The following ARHGAP23 variants were observed in gnomAD, a reference collection of about 807,000 sequenced individuals.
ARHGAP23 encodes the protein Rho GTPase activating protein 23.
Under a neutral mutation model 136.3 loss-of-function variants are expected in ARHGAP23, and 34 were observed. That is an observed-to-expected ratio of 0.25 (90% CI 0.19 to 0.33). ARHGAP23 has a LOEUF of 0.33. Ranked by LOEUF, ARHGAP23 falls within the 10% of genes least tolerant of loss-of-function variation. The pLI, the probability that ARHGAP23 is intolerant of heterozygous loss-of-function variation, is 1.00. For synonymous variants in ARHGAP23, 832 were observed against 920.5 expected, an observed-to-expected ratio of 0.90 and a Z score of 1.74; for missense variants, 1,808 against 2,139.0, an observed-to-expected ratio of 0.85 and a Z score of 3.05.
chr17:38,481,855 C>G (rs1597820576), intron 14 of ARHGAP23, among the ~76,000 whole-genome samples, 167 bp from the exon 15 acceptor site: 4 of 152,272 alleles, frequency 2.6e-5, no homozygotes, highest in Non-Finnish European at 1.5e-5. Flanking sequence ...GGTAAGCATC[C>G]TCCCCTTCAG....
rs1464045359 is a variant in ARHGAP23, at chr17:38,467,072, C to T, written c.1389C>T (p.Ser463=). 17 of 1,550,856 alleles carry T rather than the reference C, an allele frequency of 1.1e-5. No individual in the cohort carries two copies. Among genetic ancestry groups the T allele is most frequent in the Admixed American group, 2.0e-5 (1 of 50,992 alleles). Residue 463 remains serine (S), a synonymous_variant, in exon 7 of 24, where the codon TCC becomes TCT. Transcript: ENST00000622683. ...CTGCGTCATTCCCACCAGAGGCCTC[C>T]GAGCCACCCAGGGTTGTACGGCCGG... The part of the protein sequence containing the change: ...QSPASFPPEA[S]EPPRVVRPEP...
At chr17:38,457,094 G>A (rs1311656697) in intron 1 of ARHGAP23, among the ~76,000 whole-genome samples, 1 of 152,202 alleles carries the variant, frequency 6.6e-6, no homozygotes, top group Non-Finnish European at 1.5e-5. Flanking sequence ...ATTTTTGGTA[G>A]AGACAGGGTT....
chr17:38,485,516 G>T (rs960373852), intron 16 of ARHGAP23, among the ~76,000 whole-genome samples: 1 of 152,184 alleles, frequency 6.6e-6, no homozygotes, highest in South Asian at 2.1e-4. Flanking sequence ...TGGGTTAAGC[G>T]CCAGGAAGGA....
chr17:38,494,307 G>A (rs965109674), intron 20 of ARHGAP23, among the ~76,000 whole-genome samples: 2 of 152,230 alleles, frequency 1.3e-5, no homozygotes, highest in African/African-American at 4.8e-5. Flanking sequence ...ACTCGCGGCG[G>A]TGCCTGGCAG....
chr17:38,472,832 TAA>T (rs2039793953), intron 11 of ARHGAP23, among the ~76,000 whole-genome samples: 1 of 152,256 alleles, frequency 6.6e-6, no homozygotes, highest in African/African-American at 2.4e-5. Context: ...GAGCTAACAG[TAA>T]TCCCTAGCTC....
At chr17:38,473,714 A>G (rs1311540442) in intron 11 of ARHGAP23, among the ~76,000 whole-genome samples, 1 of 151,898 alleles carries the variant, frequency 6.6e-6, no homozygotes, top group Non-Finnish European at 1.5e-5. Flanking sequence ...AGGTATCCAG[A>G]GGCTGAGACA....
chr17:38,446,713 G>C (rs1361212882), intron 1 of ARHGAP23, among the ~76,000 whole-genome samples: 1 of 151,630 alleles, frequency 6.6e-6, no homozygotes, highest in African/African-American at 2.4e-5. Context: ...CCTGGTTCAA[G>C]CGATTCTCCT....
chr17:38,457,893 G>C (rs532567059), intron 1 of ARHGAP23: 16 of 613,174 alleles, frequency 2.6e-5, no homozygotes, highest in Admixed American at 1.2e-4. Context: ...TGAGGGGAAA[G>C]GAAAGAAGGA....
At chr17:38,420,604 C>T (rs1327424113) in intron 1 of ARHGAP23, among the ~76,000 whole-genome samples, 5 of 151,768 alleles carry the variant, frequency 3.3e-5, no homozygotes, top group African/African-American at 9.7e-5. Flanking sequence ...AGGTGGAGTC[C>T]GTGGAAGGGG....
At chr17:38,467,440 G>A (rs2039637903) in intron 7 of ARHGAP23, 109 bp downstream of exon 7, 3 of 1,019,388 alleles carry the variant, frequency 2.9e-6, no homozygotes, top group African/African-American at 1.6e-5. Context: ...CTGGGTGCTG[G>A]TGGGATCATC....
At chr17:38,426,756 T>A (rs147345037), upstream of ARHGAP23, among the ~76,000 whole-genome samples, 3 of 152,096 alleles carry the variant, frequency 2.0e-5, no homozygotes, top group East Asian at 5.8e-4. Flanking sequence ...TAAAATACAT[T>A]AAATAAAGCA....
At chr17:38,486,860 G>A (rs2040171673) in intron 17 of ARHGAP23, among the ~76,000 whole-genome samples, 1 of 152,378 alleles carries the variant, frequency 6.6e-6, no homozygotes, top group Admixed American at 6.5e-5. Context: ...TTGGCCGTTT[G>A]CTGAACTGCT....
chr17:38,476,773 G>C (rs2039901475), intron 11 of ARHGAP23, among the ~76,000 whole-genome samples: 1 of 152,122 alleles, frequency 6.6e-6, no homozygotes, highest in Non-Finnish European at 1.5e-5. Context: ...TCCTTGTTGG[G>C]GGAGGCTGTC....
chr17:38,427,237 C>T (rs770054243), upstream of ARHGAP23, among the ~76,000 whole-genome samples: 7 of 152,076 alleles, frequency 4.6e-5, no homozygotes, highest in East Asian at 1.9e-4. Context: ...CTGAGGCAGG[C>T]GAATATCACT....
chr17:38,500,693 C>G, intron 23 of ARHGAP23, 65 bp downstream of exon 23: 1 of 1,437,710 alleles, frequency 7.0e-7, no homozygotes. Flanking sequence ...GGTTTTTGTT[C>G]AAGGGAATTG....
upstream of ARHGAP23, among the ~76,000 whole-genome samples, chr17:38,425,030 C>T (rs1196646551): frequency 6.6e-6 from 1 of 152,218 alleles, no homozygotes; most frequent in African/African-American, 2.4e-5. Flanking sequence ...GCTTTGGTAC[C>T]TTTCTCCTAG....
At chr17:38,458,071 G>C (rs1439968780) in intron 1 of ARHGAP23, 31 bp from the exon 2 acceptor site, 1 of 1,535,208 alleles carries the variant, frequency 6.5e-7, no homozygotes, top group Non-Finnish European at 8.7e-7. Flanking sequence ...AGCCACACGG[G>C]CGCTCAGCCT....
At chr17:38,499,672 C>T (rs2040478130) in intron 22 of ARHGAP23, among the ~76,000 whole-genome samples, 1 of 152,178 alleles carries the variant, frequency 6.6e-6, no homozygotes, top group South Asian at 2.1e-4. Context: ...CCGCCGCCCC[C>T]CGCGCCCTGT....
chr17:38,501,043 A>T (rs985603791), intron 23 of ARHGAP23: 1 of 170,292 alleles, frequency 5.9e-6, no homozygotes, highest in African/African-American at 2.4e-5. Flanking sequence ...GTGCTATAAT[A>T]AATAAAACAG....
Sources: allele counts gnomAD v4.1 joint callset (sites outside exome capture counted in the v4.1 genomes callset), GRCh38; gene constraint gnomAD v4.1.1; transcripts MANE v1.5; gene names NCBI Gene and HGNC (gene_info 2026-07-23, HGNC 2026-07-21).